The following NELL1 variants were observed in gnomAD, a reference collection of about 807,000 sequenced individuals.
NELL1 encodes the protein protein kinase C-binding protein NELL1.
A neutral mutation model predicts 107.4 loss-of-function variants in NELL1; 76 were observed. That is an observed-to-expected ratio of 0.71 (90% CI 0.59 to 0.86). NELL1 has a LOEUF of 0.86. NELL1 is among the 40% of genes least tolerant of loss of function. The pLI, the probability that NELL1 is intolerant of heterozygous loss-of-function variation, is 0.00. For synonymous variants in NELL1, 353 were observed against 341.2 expected (o/e 1.03, Z -0.38); for missense variants, 1,024 against 1,005.5 (o/e 1.02, Z -0.25).
chr11:21,568,258 A>G (rs1315935051), intron 17 of NELL1, among the ~76,000 whole-genome samples: 1 of 151,670 alleles, frequency 6.6e-6, no homozygotes, highest in East Asian at 2.0e-4. Context: ...AAGGTACAAT[A>G]ACAATACATA....
chr11:21,409,648 A>G (rs913809439), intron 15 of NELL1, among the ~76,000 whole-genome samples: 1 of 152,024 alleles, frequency 6.6e-6, no homozygotes. Flanking sequence ...TAAAGAACCT[A>G]AAATTCAGGC....
intron 4 of NELL1, among the ~76,000 whole-genome samples, chr11:20,874,227 C>A (rs1048942367): frequency 2.0e-5 from 3 of 152,126 alleles, no homozygotes; most frequent in African/African-American, 7.2e-5. Flanking sequence ...GCCAACACAC[C>A]CGGCTAATTT....
intron 12 of NELL1, among the ~76,000 whole-genome samples, chr11:21,101,854 C>T (rs1379750059): frequency 6.6e-6 from 1 of 151,728 alleles, no homozygotes; most frequent in East Asian, 1.9e-4. Flanking sequence ...TTAGATCCCA[C>T]GTTTCTTTCT....
intron 5 of NELL1, among the ~76,000 whole-genome samples, chr11:20,903,188 A>G (rs368557497): frequency 5.9e-5 from 9 of 152,210 alleles, no homozygotes; most frequent in African/African-American, 2.2e-4. Context: ...ATATATGTAT[A>G]TGTATATAAT....
chr11:20,745,500 C>T (rs890915665), intron 2 of NELL1, among the ~76,000 whole-genome samples: 8 of 152,184 alleles, frequency 5.3e-5, no homozygotes, highest in Non-Finnish European at 1.2e-4. Flanking sequence ...CATGTTCATA[C>T]ACAGTAGGAA....
At chr11:21,014,251 T>G (rs996941546) in intron 12 of NELL1, among the ~76,000 whole-genome samples, 3 of 152,088 alleles carry the variant, frequency 2.0e-5, no homozygotes, top group Non-Finnish European at 4.4e-5. Context: ...TGCTTCCACT[T>G]GGCAGATTGC....
intron 13 of NELL1, among the ~76,000 whole-genome samples, chr11:21,129,335 T>C (rs554205661): frequency 2.0e-5 from 3 of 152,202 alleles, no homozygotes; most frequent in South Asian, 4.2e-4. Flanking sequence ...GAAAATAGTT[T>C]GGTGGTTCAT....
At chr11:21,326,128 C>CT (rs1850134753) in intron 14 of NELL1, among the ~76,000 whole-genome samples, 1 of 82,182 alleles carries the variant, frequency 1.2e-5, no homozygotes, top group Non-Finnish European at 2.3e-5. Context: ...CACTAATTCT[C>CT]TTTTTGGCTT....
At chr11:21,038,639 C>G (rs1853153066) in intron 12 of NELL1, among the ~76,000 whole-genome samples, 1 of 152,194 alleles carries the variant, frequency 6.6e-6, no homozygotes, top group South Asian at 2.1e-4. Context: ...TTACTACTCT[C>G]TCTGTGCTGT....
At chr11:21,227,043 C>T (rs1351555938) in intron 13 of NELL1, among the ~76,000 whole-genome samples, 1 of 152,158 alleles carries the variant, frequency 6.6e-6, no homozygotes, top group East Asian at 1.9e-4. Context: ...GAAGGATAGA[C>T]CAGGCTTTTG....
chr11:21,374,245 G>A (rs1565193544), intron 15 of NELL1, among the ~76,000 whole-genome samples: 1 of 152,042 alleles, frequency 6.6e-6, no homozygotes, highest in East Asian at 1.9e-4. Context: ...AAATTTGAGA[G>A]CAGCTTAGCT....
intron 15 of NELL1, among the ~76,000 whole-genome samples, chr11:21,477,924 A>AT (rs1854389951): frequency 6.2e-5 from 2 of 32,418 alleles, no homozygotes; most frequent in Admixed American, 7.8e-4. Flanking sequence ...TATAATAAAA[A>AT]GAAGCAGAAA....
chr11:21,260,202 C>T (rs1212695019), intron 14 of NELL1: 1 of 151,782 alleles, frequency 6.6e-6, no homozygotes, highest in Non-Finnish European at 1.5e-5. Flanking sequence ...ACAAATGACA[C>T]CATTATTATG....
At chr11:21,215,396 A>G (rs1382887201) in intron 13 of NELL1, among the ~76,000 whole-genome samples, 15 of 152,302 alleles carry the variant, frequency 9.8e-5, no homozygotes, top group East Asian at 1.9e-4. Context: ...GTGAGACTGA[A>G]CTAATCCAGT....
At chr11:20,965,531 A>G (rs1851371357) in intron 12 of NELL1, among the ~76,000 whole-genome samples, 1 of 152,204 alleles carries the variant, frequency 6.6e-6, no homozygotes, top group South Asian at 2.1e-4. Context: ...GCATATTGTT[A>G]GCAGTGGGGC....
chr11:21,011,308 G>T (rs1257808536), intron 12 of NELL1, among the ~76,000 whole-genome samples: 1 of 152,062 alleles, frequency 6.6e-6, no homozygotes, highest in Non-Finnish European at 1.5e-5. Context: ...GGATTCTCTG[G>T]AAGCAGATAT....
chr11:20,843,538 G>T (rs1848653359), intron 3 of NELL1, among the ~76,000 whole-genome samples: 1 of 137,112 alleles, frequency 7.3e-6, no homozygotes, highest in African/African-American at 2.6e-5. Flanking sequence ...TTAACATTTT[G>T]AATATATCTA....
chr11:20,845,681 T>C (rs938657996), intron 3 of NELL1, among the ~76,000 whole-genome samples: 1 of 152,166 alleles, frequency 6.6e-6, no homozygotes, highest in African/African-American at 2.4e-5. Context: ...ATTAAAAAGA[T>C]GATGTCTATG....
At chr11:20,973,771 G>A (rs1851549458) in intron 12 of NELL1, among the ~76,000 whole-genome samples, 2 of 152,210 alleles carry the variant, frequency 1.3e-5, no homozygotes, top group Admixed American at 6.5e-5. Context: ...CTAGCTAACA[G>A]TTTCTAAGGA....
Sources: gnomAD v4.1 joint callset for allele counts (sites outside exome capture counted in the v4.1 genomes callset) on GRCh38, gnomAD v4.1.1 for gene constraint, MANE v1.5 for transcripts, NCBI Gene and HGNC (gene_info 2026-07-23, HGNC 2026-07-21) for gene names.